The following ALK variants were observed in gnomAD, a reference collection of about 807,000 sequenced individuals.
ALK encodes ALK receptor tyrosine kinase, also known as ALK tyrosine kinase receptor.
A neutral mutation model predicts 163.1 loss-of-function variants in ALK; 74 were observed. That is an observed-to-expected ratio of 0.45 (90% CI 0.38 to 0.55). The LOEUF is 0.55. Ranked by LOEUF, ALK falls within the 20% of genes least tolerant of loss-of-function variation. The pLI is 0.00. For missense variants in ALK, 2,063 were observed against 2,105.3 expected (o/e 0.98, Z 0.39); for synonymous variants, 960 against 843.2 (o/e 1.14, Z -2.40).
At chr2:29,582,975 G>A (rs1674758642) in intron 3 of ALK, among the ~76,000 whole-genome samples, 1 of 150,240 alleles carries the variant, frequency 6.7e-6, no homozygotes, top group South Asian at 2.1e-4. Context: ...CCTTTAGCCT[G>A]CCTCAGCCTC....
At chr2:29,665,003 CTT>C (rs35885544) in intron 3 of ALK, among the ~76,000 whole-genome samples, 20 of 133,714 alleles carry the variant, frequency 1.5e-4, no homozygotes, top group Non-Finnish European at 1.7e-4. Context: ...TTCTTTTTTT[CTT>C]TTTTTTTTTT....
intron 3 of ALK, among the ~76,000 whole-genome samples, chr2:29,539,666 A>T (rs1336897140): frequency 1.3e-5 from 2 of 152,156 alleles, no homozygotes; most frequent in African/African-American, 4.8e-5. Flanking sequence ...AATTTTAATA[A>T]TCTGAAGTGT....
chr2:29,529,775 C>A (rs1673068194), intron 4 of ALK, among the ~76,000 whole-genome samples: 1 of 152,214 alleles, frequency 6.6e-6, no homozygotes, highest in Non-Finnish European at 1.5e-5. Flanking sequence ...TGGAATCACT[C>A]CAGCTCATCA....
At chr2:29,802,301 G>A (rs1344049401) in intron 1 of ALK, among the ~76,000 whole-genome samples, 1 of 123,732 alleles carries the variant, frequency 8.1e-6, no homozygotes, top group South Asian at 3.1e-4. Flanking sequence ...GAGAAGAGGA[G>A]GGGAGGGAAG....
chr2:29,234,218 T>TA (rs1664308098), intron 13 of ALK, among the ~76,000 whole-genome samples: 1 of 152,102 alleles, frequency 6.6e-6, no homozygotes, highest in South Asian at 2.1e-4. Context: ...GGAAAGGTCC[T>TA]ATGTGGTGAG....
Position 29,717,583 on chromosome 2 carries a change from C to A in ALK, c.782G>T (p.Arg261Leu), listed in dbSNP as rs375097381. The A allele has an allele frequency of 1.4e-5, 23 of 1,613,796 alleles. No homozygotes were observed. In the African/African-American group the frequency reaches 2.9e-4, roughly 21 times the overall value. The change falls in exon 2 of 29, where the codon CGA becomes CTA. Residue 261 changes from arginine to leucine, a missense_variant. Arg to Leu is a moderately radical substitution (Grantham distance 102). Transcript: ENST00000389048. ...DSFPFLSHRS[R>L]YGLECSFDFP... ...AATATTAAACATATACTTACCATAT[C>A]GGCTGCGATGAGACAGGAAAGGGAA...
intron 24 of ALK, 23 bp downstream of exon 24, chr2:29,213,961 A>G: frequency 6.3e-7 from 1 of 1,592,870 alleles, no homozygotes; most frequent in Non-Finnish European, 8.6e-7. Flanking sequence ...GATGACAGGA[A>G]GAGCACAGTC....
At chr2:29,755,480 A>G (rs1000603828) in intron 1 of ALK, among the ~76,000 whole-genome samples, 4 of 152,190 alleles carry the variant, frequency 2.6e-5, no homozygotes, top group Non-Finnish European at 5.9e-5. Flanking sequence ...TATCTCAGGT[A>G]ACCGGAATTT....
Position 29,193,690 on chromosome 2 carries a change from G to T in ALK, c.4397C>A (p.Pro1466His), listed in dbSNP as rs1368483124. 6.2e-7 allele frequency: 1 copy of T among 1,613,736 alleles called. No individual in the cohort carries two copies. The highest frequency in any genetic ancestry group is 1.7e-5 in the Admixed American group (1 of 59,992). Reference sequence around the variant, plus strand: ...TCCCCCTTCCACGGCCGGCCCTCTAGGGACTCGAACAGAGATCTCTGCAGC... The same window carrying T: ...TCCCCCTTCCACGGCCGGCCCTCTATGGACTCGAACAGAGATCTCTGCAGC... Reference protein sequence around the residue: ...PTAAEISVRVPRGPAVEGGHV... With the variant: ...PTAAEISVRVHRGPAVEGGHV... Residue 1466 changes from proline to histidine, a missense_variant, in exon 29 of 29, where the codon CCT becomes CAT. Pro to His is a moderately conservative substitution (Grantham distance 77). Around this residue, in one of 5 missense-constraint regions of ALK, gnomAD observed 403 missense variants for 366.2 expected, o/e 1.10. Transcript: ENST00000389048.
At chr2:29,467,363 G>A (rs1048274239) in intron 4 of ALK, among the ~76,000 whole-genome samples, 1 of 152,056 alleles carries the variant, frequency 6.6e-6, no homozygotes, top group African/African-American at 2.4e-5. Flanking sequence ...TGGCACTGTT[G>A]CTGGCCTTGG....
intron 4 of ALK, among the ~76,000 whole-genome samples, chr2:29,463,559 A>G (rs552558510): frequency 2.6e-5 from 4 of 152,344 alleles, no homozygotes; most frequent in Non-Finnish European, 5.9e-5. Context: ...ACTTGAGAGA[A>G]GGGAAACAAG....
At chr2:29,404,196 C>T (rs575651838) in intron 4 of ALK, among the ~76,000 whole-genome samples, 2 of 151,236 alleles carry the variant, frequency 1.3e-5, no homozygotes, top group African/African-American at 2.4e-5. Context: ...CCCAGCTACT[C>T]GGAAGGTGGA....
chr2:29,218,050 G>C (rs3924613), intron 23 of ALK, among the ~76,000 whole-genome samples: 42,476 of 152,040 alleles, frequency 0.28, 7,136 homozygotes, highest in East Asian at 0.74. Context: ...ATCCATGCAG[G>C]AAGCCCAGCT....
At chr2:29,444,129 G>A (rs1157878517) in intron 4 of ALK, among the ~76,000 whole-genome samples, 1 of 152,200 alleles carries the variant, frequency 6.6e-6, no homozygotes, top group Non-Finnish European at 1.5e-5. Flanking sequence ...TATTTAGTCT[G>A]CCAGAACAGT....
At chr2:29,771,015 A>AGACT (rs199522244) in intron 1 of ALK, among the ~76,000 whole-genome samples, 2 of 149,626 alleles carry the variant, frequency 1.3e-5, no homozygotes, top group African/African-American at 4.9e-5. Context: ...ACACATACAC[A>AGACT]AATACACACA....
At chr2:29,640,040 T>C (rs1387943698) in intron 3 of ALK, among the ~76,000 whole-genome samples, 3 of 152,164 alleles carry the variant, frequency 2.0e-5, no homozygotes, top group African/African-American at 7.2e-5. Flanking sequence ...GTAGGGGAGA[T>C]GCAACTACAG....
In ALK at chr2:29,583,603, C is replaced by T. The variant is rs78835456; in HGVS notation, c.953-51487G>A. Among the ~76,000 whole-genome samples the T allele has an allele frequency of 1.5e-3, 224 of 151,048 alleles. 2 individuals carry two copies. The highest frequency in any genetic ancestry group is 4.9e-3 in the African/African-American group (202 of 41,406). On this transcript the variant is annotated intron_variant, in intron 3 of 28. Coordinates refer to ENST00000389048, the MANE Select transcript of ALK (RefSeq NM_004304.5). ...TGCTCCATCTGTTCTCTTCCTGTTC[C>T]AGTTACCATGAGATCCCTGCTTCTG...
intron 3 of ALK, among the ~76,000 whole-genome samples, chr2:29,672,819 C>T (rs1167186378): frequency 6.9e-6 from 1 of 144,424 alleles, no homozygotes; most frequent in African/African-American, 2.6e-5. Flanking sequence ...CCTATTTCTC[C>T]ACATCCTCTC....
At position 29,883,170 on chromosome 2, in the gene ALK, G is replaced by GGAAAA. The variant is rs370338105; in HGVS notation, c.667+36818_667+36822dup. On this transcript the variant is annotated intron_variant, in intron 1 of 28. Coordinates refer to ENST00000389048, the MANE Select transcript of ALK (RefSeq NM_004304.5). Reference sequence around the variant, plus strand: ...AAGAAAAAGAAAAGAGGAAAGGAAAGGAAAAGAAAAGAAAAGAAGTACAGC... The same window carrying GGAAAA: ...AAGAAAAAGAAAAGAGGAAAGGAAAGGAAAAGAAAAGAAAAGAAAAGAAGTACAGC... Among the ~76,000 whole-genome samples the GGAAAA allele has an allele frequency of 1.3e-3, 203 of 151,810 alleles. 2 individuals carry two copies. Among genetic ancestry groups the GGAAAA allele is most frequent in the Admixed American group, 4.3e-3 (65 of 15,214 alleles).
Sources: gnomAD v4.1 joint callset for allele counts (sites outside exome capture counted in the v4.1 genomes callset) on GRCh38, gnomAD v4.1.1 for gene constraint, gnomAD v4.1.1 regional missense constraint, MANE v1.5 for transcripts, NCBI Gene and HGNC (gene_info 2026-07-23, HGNC 2026-07-21) for gene names.